The following POLQ variants were observed in gnomAD, a reference collection of about 807,000 sequenced individuals.
The protein encoded by POLQ is DNA polymerase theta.
POLQ carries 233 observed loss-of-function variants against 259.2 expected under a neutral mutation model. That is an observed-to-expected ratio of 0.90 (90% CI 0.81 to 1.00). The LOEUF is 1.00. POLQ is among the 50% of genes least tolerant of loss of function. POLQ has a pLI of 0.00. For missense variants in POLQ, 2,871 were observed against 3,051.6 expected (o/e 0.94, Z 1.39); for synonymous variants, 1,025 against 1,048.8 (o/e 0.98, Z 0.44).
intron 11 of POLQ, 141 bp downstream of exon 11, chr3:121,509,898 C>T: frequency 2.4e-6 from 2 of 833,900 alleles, no homozygotes; most frequent in Non-Finnish European, 3.8e-6. Context: ...TACTGATTTA[C>T]TAAAAATGAG....
Position 121,533,183 on chromosome 3 carries a change from G to A in POLQ, c.767C>T (p.Ser256Phe), listed in dbSNP as rs748504947. 6.2e-7 allele frequency: 1 copy of A among 1,607,570 alleles called. No individual in the cohort carries two copies. Among genetic ancestry groups the A allele is most frequent in the Admixed American group, 1.7e-5 (1 of 58,564 alleles). Residue 256 changes from serine to phenylalanine, a missense_variant, in exon 6 of 30, where the codon TCT becomes TTT. Coordinates refer to ENST00000264233, the MANE Select transcript of POLQ (RefSeq NM_199420.4). ...SCQADLASSL[S>F]NAVQIVGMSA... is the part of the protein sequence containing the mutation. ...CATGCCAACGATTTGCACAGCATTA[G>A]ACAGAGAACTGGCTAGATCTGCCTG...
chr3:121,445,262 A>G lies in POLQ; in HGVS notation c.7264+4053T>C, dbSNP rs146211654. ...GGCTTTTCTTTGTGGAAGACTTTTT[A>G]TTATGGCTTCGATCTCATTATTTGT... On this transcript the variant is annotated intron_variant, in intron 26 of 29. Coordinates refer to ENST00000264233, the MANE Select transcript of POLQ (RefSeq NM_199420.4). Among the ~76,000 whole-genome samples the G allele has an allele frequency of 9.0e-3, 1,374 of 152,178 alleles. 19 individuals carry two copies. The highest frequency in any genetic ancestry group is 0.031 in the African/African-American group (1,301 of 41,530).
intron 25 of POLQ, among the ~76,000 whole-genome samples, chr3:121,451,274 G>A (rs6438631): frequency 1.3e-5 from 2 of 152,012 alleles, no homozygotes; most frequent in Non-Finnish European, 1.5e-5. Flanking sequence ...GTCTGAGGCC[G>A]CCTTCTCTCA....
At chr3:121,494,759 C>T (rs954338662) in intron 14 of POLQ, 15 of 1,522,846 alleles carry the variant, frequency 9.8e-6, no homozygotes, top group Admixed American at 3.3e-5. Context: ...TTTGGCTAAG[C>T]TGGTGGAAGT....
intron 1 of POLQ, 77 bp from the exon 2 acceptor site, chr3:121,544,983 T>C (rs773273218): frequency 7.3e-5 from 62 of 852,242 alleles, no homozygotes; most frequent in Non-Finnish European, 9.6e-5. Flanking sequence ...TCACCGTGTG[T>C]TGGAATTCCT....
Position 121,542,244 on chromosome 3 carries a change from G to A in POLQ, c.344-765C>T, listed in dbSNP as rs116860706. Among the ~76,000 whole-genome samples the A allele has an allele frequency of 9.1e-4, 139 of 152,226 alleles. 2 individuals carry two copies. The East Asian group carries it at 0.025, about 27-fold the overall frequency. On this transcript the variant is annotated intron_variant, in intron 2 of 29. Coordinates refer to ENST00000264233, the MANE Select transcript of POLQ (RefSeq NM_199420.4). Reference sequence around the variant, plus strand: ...AAGGAAGAAAGCAAGAGGAGGCCACGATGGGCAAGGTGTTGTATGTCTGTA... The same window carrying A: ...AAGGAAGAAAGCAAGAGGAGGCCACAATGGGCAAGGTGTTGTATGTCTGTA...
chr3:121,463,369 G>A (rs1269375737), intron 24 of POLQ, among the ~76,000 whole-genome samples: 2 of 152,164 alleles, frequency 1.3e-5, no homozygotes, highest in African/African-American at 4.8e-5. Context: ...ATGTGGAACT[G>A]TGAGTCCATC....
rs58859161 is a variant in POLQ at position 121,459,369 on chromosome 3, A to ATTT, written c.7152+678_7152+680dup. On this transcript the variant is annotated intron_variant, in intron 25 of 29. Coordinates refer to ENST00000264233, the MANE Select transcript of POLQ (RefSeq NM_199420.4). ...CTCAGAACACTTACAGACTAGAAAGATTTTTTTTTTTTTTTTTTTTTTTGT... is the reference window on the plus strand; with the variant it reads ...CTCAGAACACTTACAGACTAGAAAGATTTTTTTTTTTTTTTTTTTTTTTTTTGT... Among the ~76,000 whole-genome samples the ATTT allele has an allele frequency of 0.025, 2,607 of 104,732 alleles. 326 individuals are homozygous for ATTT. The East Asian group carries it at 0.35, about 14-fold the overall frequency. The allele number at this position is 104,732 out of a possible 152,430, so 68.7% of individuals were successfully genotyped here.
At chr3:121,536,883 A>G (rs1429377197) in intron 5 of POLQ, among the ~76,000 whole-genome samples, 1 of 152,104 alleles carries the variant, frequency 6.6e-6, no homozygotes, top group East Asian at 1.9e-4. Context: ...GGCTCAAGTG[A>G]TCCTCCCACA....
At chr3:121,509,729 C>CA (rs1297856934) in intron 11 of POLQ, 26 bp from the exon 12 acceptor site, 1 of 1,590,298 alleles carries the variant, frequency 6.3e-7, no homozygotes, top group Non-Finnish European at 8.5e-7. Flanking sequence ...GGTGAGGAAA[C>CA]AGAGGAACAA....
At chr3:121,541,532 A>G in intron 2 of POLQ, 53 bp from the exon 3 acceptor site, 1 of 1,483,514 alleles carries the variant, frequency 6.7e-7, no homozygotes, top group Non-Finnish European at 9.2e-7. Context: ...ATTCGGTACA[A>G]TTCATTAATA....
At chr3:121,470,105 C>A (rs140879360) in intron 22 of POLQ, among the ~76,000 whole-genome samples, 3,804 of 152,108 alleles carry the variant, frequency 0.025, 61 homozygotes, top group Middle Eastern at 0.048. Flanking sequence ...GAGATTGAGA[C>A]CATCCTGGCC....
At chr3:121,528,851 C>A (rs1242455392) in intron 7 of POLQ, among the ~76,000 whole-genome samples, 1 of 151,908 alleles carries the variant, frequency 6.6e-6, no homozygotes, top group South Asian at 2.1e-4. Context: ...ACTGGGGAGG[C>A]TAAGATGGAA....
chr3:121,535,733 A>AC (rs397745147), intron 5 of POLQ, among the ~76,000 whole-genome samples: 5 of 151,082 alleles, frequency 3.3e-5, no homozygotes, highest in Non-Finnish European at 7.4e-5. Context: ...AAAAAAAAAA[A>AC]GAAAGAATTA....
At chr3:121,452,493 GT>G (rs56099335) in intron 25 of POLQ, among the ~76,000 whole-genome samples, 91,396 of 138,702 alleles carry the variant, frequency 0.66, 29,791 homozygotes, top group East Asian at 0.88. Context: ...TGTTACTCCT[GT>G]TTTTTTTTTT....
intron 25 of POLQ, among the ~76,000 whole-genome samples, chr3:121,450,487 T>C (rs1199977816): frequency 6.6e-6 from 1 of 152,026 alleles, no homozygotes; most frequent in African/African-American, 2.4e-5. Context: ...GTCATTTATA[T>C]TAGGTGTATC....
intron 25 of POLQ, among the ~76,000 whole-genome samples, chr3:121,455,732 G>C (rs2047729928): frequency 6.6e-6 from 1 of 152,110 alleles, no homozygotes; most frequent in Non-Finnish European, 1.5e-5. Context: ...TGAAATTGTG[G>C]CAATAATCAA....
intron 12 of POLQ, among the ~76,000 whole-genome samples, chr3:121,501,207 G>T (rs1438748574): frequency 1.3e-5 from 2 of 152,060 alleles, no homozygotes; most frequent in East Asian, 3.9e-4. Context: ...CCATCTACCT[G>T]CCTCAGCCTC....
intron 25 of POLQ, among the ~76,000 whole-genome samples, chr3:121,459,028 C>T (rs559868215): frequency 5.3e-5 from 8 of 152,302 alleles, no homozygotes; most frequent in South Asian, 2.1e-4. Flanking sequence ...AGATTTCCCA[C>T]GGGTCATGTG....
Sources: gnomAD v4.1 joint callset for allele counts (sites outside exome capture counted in the v4.1 genomes callset) on GRCh38, gnomAD v4.1.1 for gene constraint, MANE v1.5 for transcripts, NCBI Gene and HGNC (gene_info 2026-07-23, HGNC 2026-07-21) for gene names.